Variants in RYR1 observed in about 807,000 individuals in gnomAD.
The protein encoded by RYR1 is ryanodine receptor 1.
Under a neutral mutation model 583.5 loss-of-function variants are expected in RYR1, and 342 were observed. That is an observed-to-expected ratio of 0.59 (90% CI 0.54 to 0.64). The LOEUF is 0.64. Ranked by LOEUF, RYR1 falls within the 30% of genes least tolerant of loss-of-function variation. The pLI, the probability that RYR1 is intolerant of heterozygous loss-of-function variation, is 0.00. For synonymous variants in RYR1, 2,791 were observed against 2,822.5 expected, an observed-to-expected ratio of 0.99 and a Z score of 0.35; for missense variants, 6,032 against 6,917.2, an observed-to-expected ratio of 0.87 and a Z score of 4.54.
In RYR1 at chr19:38,500,917, A is replaced by C; in HGVS notation, c.7541A>C (p.Asn2514Thr). The change falls in exon 47 of 106, where the codon AAC becomes ACC. Residue 2514 changes from asparagine to threonine, a missense_variant. By Grantham distance (65) the Asn-to-Thr change is moderately conservative. Around this residue, in one of 11 missense-constraint regions of RYR1, gnomAD observed 2,627 missense variants for 2,961.3 expected, o/e 0.89. Coordinates refer to ENST00000359596, the MANE Select transcript of RYR1 (RefSeq NM_000540.3). This position sits in a 1 kb window ranked among gnomAD's most constrained non-coding sequence, Gnocchi z 5.9. ...CTGGACCGTGTGTATGGCATCGAGA[A>C]CCAGGACTTCTTGCTGCACGTGCTG... ...LFLDRVYGIE[N>T]QDFLLHVLDV... 1.2e-6 allele frequency: 2 copies of C among 1,614,052 alleles called. No homozygotes were observed. The highest frequency in any genetic ancestry group is 1.7e-6 in the Non-Finnish European group (2 of 1,179,990).
intron 93 of RYR1, among the ~76,000 whole-genome samples, chr19:38,568,688 G>A (rs1973562209): frequency 7.1e-6 from 1 of 141,104 alleles, no homozygotes; most frequent in Non-Finnish European, 1.5e-5. Flanking sequence ...AGAGGCAGAA[G>A]TTTCAGTGAG....
chr19:38,462,329 C>T (rs896917448), intron 20 of RYR1, among the ~76,000 whole-genome samples: 1 of 152,164 alleles, frequency 6.6e-6, no homozygotes. Context: ...AAACAGTAAG[C>T]ACTCAAGACA....
intron 1 of RYR1, among the ~76,000 whole-genome samples, chr19:38,434,937 A>C (rs1185834887): frequency 5.9e-5 from 9 of 152,174 alleles, no homozygotes; most frequent in Admixed American, 5.9e-4. Context: ...AGAGAGGAAC[A>C]AACAGCTGGG....
intron 16 of RYR1, among the ~76,000 whole-genome samples, chr19:38,456,391 C>T (rs2145399971): frequency 6.7e-6 from 1 of 149,576 alleles, no homozygotes; most frequent in African/African-American, 2.5e-5. Flanking sequence ...AAGCAATTCT[C>T]CTGCCTCAGC....
At position 38,517,710 on chromosome 19, in the gene RYR1, G is replaced by A; in HGVS notation, c.10018+19G>A. 1 of 1,610,662 alleles carries A rather than the reference G, an allele frequency of 6.2e-7. No individual in the cohort carries two copies. Among genetic ancestry groups the A allele is most frequent in the South Asian group, 1.1e-5 (1 of 91,024 alleles). On this transcript the variant is annotated intron_variant, in intron 66 of 105. Coordinates refer to ENST00000359596, the MANE Select transcript of RYR1 (RefSeq NM_000540.3). ...CTGGCTGGTGGGTCGGGGGGCACTG[G>A]GCCTCTGAGGGGTGGGTCAGCAGCC...
At chr19:38,440,644 CTT>C in intron 1 of RYR1, 99 bp from the exon 2 acceptor site, 1 of 1,436,890 alleles carries the variant, frequency 7.0e-7, no homozygotes, top group Non-Finnish European at 9.5e-7. Flanking sequence ...CAGTCACTGT[CTT>C]TTTCATAAGG....
At chr19:38,506,722 T>A in intron 56 of RYR1, 107 bp from the exon 57 acceptor site, 1 of 1,541,358 alleles carries the variant, frequency 6.5e-7, no homozygotes, top group Non-Finnish European at 8.8e-7. Flanking sequence ...GTTATTCGTA[T>A]CTTCTTTATC....
intron 27 of RYR1, among the ~76,000 whole-genome samples, chr19:38,469,836 G>A (rs918345328): frequency 6.6e-6 from 1 of 152,120 alleles, no homozygotes; most frequent in Non-Finnish European, 1.5e-5. Context: ...GGAGGCTGAG[G>A]CAGGAGGATC....
In RYR1 at chr19:38,512,555, G is replaced by A; in HGVS notation, c.9472+72G>A. The A allele has an allele frequency of 1.4e-6, 2 of 1,391,006 alleles. No individual in the cohort carries two copies. Among genetic ancestry groups the A allele is most frequent in the Non-Finnish European group, 2.0e-6 (2 of 990,240 alleles). The allele number at this position is 1,391,006 out of a possible 1,614,324, so 86.2% of individuals were successfully genotyped here. A position where few individuals can be genotyped will look rare whatever the true frequency, so the allele number is the denominator to read the frequency against. The stretch of plus-strand genomic sequence containing the variant: ...CAACACCACCCATCCGGGTGCCTGT[G>A]AGAGTCCCTGGGTGTTTGAATGTGT... On this transcript the variant is annotated intron_variant, in intron 63 of 105. Transcript: ENST00000359596. This position sits in a 1 kb window ranked among gnomAD's most constrained non-coding sequence, Gnocchi z 5.1.
At chr19:38,453,336 G>A (rs1249910031) in intron 13 of RYR1, among the ~76,000 whole-genome samples, 13 of 151,964 alleles carry the variant, frequency 8.6e-5, no homozygotes, top group African/African-American at 3.1e-4. Flanking sequence ...GTGAAGCTCA[G>A]GTATAGGGTG....
intron 96 of RYR1, among the ~76,000 whole-genome samples, chr19:38,575,303 C>G (rs1405504854): frequency 2.0e-5 from 3 of 152,170 alleles, no homozygotes; most frequent in Non-Finnish European, 4.4e-5. Flanking sequence ...TGCAAATTCT[C>G]TGCCTCATTT....
intron 70 of RYR1, among the ~76,000 whole-genome samples, chr19:38,524,501 C>G (rs1477680149): frequency 1.3e-5 from 2 of 152,192 alleles, no homozygotes; most frequent in Non-Finnish European, 2.9e-5. Flanking sequence ...TGCAGCAGTG[C>G]CTGGCACAGG....
chr19:38,456,145 TA>T (rs1377708484), intron 16 of RYR1, among the ~76,000 whole-genome samples: 1 of 81,700 alleles, frequency 1.2e-5, no homozygotes, highest in Non-Finnish European at 2.8e-5. Flanking sequence ...CTAATTTTTG[TA>T]TTTTTTTTTT....
At position 38,501,008 on chromosome 19, in the gene RYR1, G is replaced by GCCTGGCCAC. The variant is rs1410414357; in HGVS notation, c.7614+22_7614+30dup. On this transcript the variant is annotated intron_variant, in intron 47 of 105. Coordinates refer to ENST00000359596, the MANE Select transcript of RYR1 (RefSeq NM_000540.3). ...TGGACACGGTGAGCAACCCTGCCCA[G>GCCTGGCCAC]CCTGGCCACCCTCCCCACTTCCACA... The GCCTGGCCAC allele has an allele frequency of 3.7e-6, 6 of 1,610,942 alleles. No individual in the cohort carries two copies. The South Asian group carries it at 6.6e-5, about 18-fold the overall frequency.
chr19:38,491,264 T>G (rs1267212996), intron 37 of RYR1, among the ~76,000 whole-genome samples: 1 of 152,170 alleles, frequency 6.6e-6, no homozygotes, highest in African/African-American at 2.4e-5. Flanking sequence ...GTTGAAAGTT[T>G]GTTGAGTTTC....
At chr19:38,532,203 C>T (rs1448863511) in intron 76 of RYR1, among the ~76,000 whole-genome samples, 3 of 151,132 alleles carry the variant, frequency 2.0e-5, no homozygotes, top group African/African-American at 7.3e-5. Context: ...CTCACTGCAA[C>T]CTCTGCCTCC....
In RYR1 at chr19:38,579,997, G is replaced by A. The variant is rs2145894853; in HGVS notation, c.14380G>A (p.Gly4794Ser). Residue 4794 changes from glycine to serine, a missense_variant, in exon 100 of 106, where the codon GGC becomes AGC. Transcript: ENST00000359596. ...IFTDNSFLYL[G>S]WYMVMSLLGH... is the part of the protein sequence containing the mutation. The stretch of plus-strand genomic sequence containing the variant: ...GTGCCCACAGTCCTTCCTGTACCTG[G>A]GCTGGTATATGGTGATGTCCCTCTT... 6.2e-7 allele frequency: 1 copy of A among 1,614,100 alleles called. No homozygotes were observed. Among genetic ancestry groups the A allele is most frequent in the Non-Finnish European group, 8.5e-7 (1 of 1,180,010 alleles).
At chr19:38,572,422 G>A in intron 95 of RYR1, 152 bp downstream of exon 95, 1 of 934,122 alleles carries the variant, frequency 1.1e-6, no homozygotes, top group South Asian at 1.6e-5. Flanking sequence ...CTGGGTACAG[G>A]ATTGGGGTCT....
At position 38,518,314 on chromosome 19, in the gene RYR1, C is replaced by T. The variant is rs185791680; in HGVS notation, c.10018+623C>T. On this transcript the variant is annotated intron_variant, in intron 66 of 105. Transcript: ENST00000359596. ...ATGGCTCATGCCTGTAATCCCAGCA[C>T]TTTGAGAGGCCAAGGTGGGTGGATC... 2.2e-3 allele frequency among the ~76,000 whole-genome samples: 322 copies of T among 149,736 alleles called. 2 individuals carry two copies. Among genetic ancestry groups the T allele is most frequent in the Middle Eastern group, 6.8e-3 (2 of 292 alleles).
Sources: allele counts gnomAD v4.1 joint callset (sites outside exome capture counted in the v4.1 genomes callset), GRCh38; gene constraint gnomAD v4.1.1; regional missense constraint gnomAD v4.1.1; non-coding constraint Gnocchi (gnomAD v3.1); transcripts MANE v1.5; gene names NCBI Gene and HGNC (gene_info 2026-07-23, HGNC 2026-07-21).